The following CDH12 variants were observed in gnomAD, a reference collection of about 807,000 sequenced individuals.
CDH12 encodes the protein cadherin 12, also known as cadherin-12.
Under a neutral mutation model 74.1 loss-of-function variants are expected in CDH12, and 41 were observed. The ratio of observed to expected loss-of-function variants is 0.55; its 90% CI spans 0.43 to 0.72. CDH12 has a LOEUF of 0.72. CDH12 is among the 30% of genes least tolerant of loss of function. The pLI is 0.00. For synonymous variants in CDH12, 399 were observed against 355.0 expected (o/e 1.12, Z -1.39); for missense variants, 945 against 977.2 (o/e 0.97, Z 0.44).
At chr5:21,839,018 C>T (rs1749693936) in intron 8 of CDH12, among the ~76,000 whole-genome samples, 1 of 152,158 alleles carries the variant, frequency 6.6e-6, no homozygotes, top group Non-Finnish European at 1.5e-5. Flanking sequence ...CTAGATTGAA[C>T]ATATTTCATA....
rs79875271 is a variant in CDH12 at position 22,068,817 on chromosome 5, G to A, written c.231+9629C>T. Among the ~76,000 whole-genome samples the A allele has an allele frequency of 5.9e-3, 893 of 152,248 alleles. 7 individuals carry two copies. The highest frequency in any genetic ancestry group is 0.018 in the African/African-American group (755 of 41,542). ...GCAGCCACTCCTGTCATCATTCAAC[G>A]TGCTCATAAATAAAGGGGCCATGTT... On this transcript the variant is annotated intron_variant, in intron 5 of 14. Coordinates refer to ENST00000382254, the MANE Select transcript of CDH12 (RefSeq NM_004061.5).
intron 1 of CDH12, among the ~76,000 whole-genome samples, chr5:22,812,872 A>AG (rs200167600): frequency 0.033 from 5,030 of 152,260 alleles, 107 homozygotes; most frequent in Non-Finnish European, 0.044. Context: ...AATACAGCAT[A>AG]ATGACCACTG....
At chr5:21,993,546 A>G in intron 5 of CDH12, among the ~76,000 whole-genome samples, 1 of 152,242 alleles carries the variant, frequency 6.6e-6, no homozygotes. Context: ...GCAGAGAAGC[A>G]ACCTGCAGGA....
chr5:22,058,265 C>T (rs1740891721), intron 5 of CDH12, among the ~76,000 whole-genome samples: 1 of 152,050 alleles, frequency 6.6e-6, no homozygotes. Context: ...CCGCGTTGCC[C>T]AGGCTGGTCT....
At chr5:22,555,959 C>T (rs1738785880) in intron 1 of CDH12, among the ~76,000 whole-genome samples, 1 of 151,720 alleles carries the variant, frequency 6.6e-6, no homozygotes, top group African/African-American at 2.4e-5. Flanking sequence ...TAAACAATTG[C>T]TATAGGTCAA....
intron 3 of CDH12, among the ~76,000 whole-genome samples, chr5:22,333,234 A>G (rs1353909038): frequency 6.6e-6 from 1 of 151,976 alleles, no homozygotes; most frequent in African/African-American, 2.4e-5. Flanking sequence ...CAAAAACCGC[A>G]TGTTTTCACT....
At chr5:22,701,962 A>T (rs187968744) in intron 1 of CDH12, among the ~76,000 whole-genome samples, 1 of 152,132 alleles carries the variant, frequency 6.6e-6, no homozygotes, top group African/African-American at 2.4e-5. Flanking sequence ...CATTTAATAG[A>T]CTGACATTTG....
chr5:22,147,677 C>G (rs1196572476), intron 4 of CDH12, among the ~76,000 whole-genome samples: 1 of 151,412 alleles, frequency 6.6e-6, no homozygotes, highest in Non-Finnish European at 1.5e-5. Flanking sequence ...AAAGGCACAT[C>G]TTACATGGTG....
At chr5:22,406,896 A>G (rs1404125196) in intron 2 of CDH12, among the ~76,000 whole-genome samples, 3 of 152,148 alleles carry the variant, frequency 2.0e-5, no homozygotes, top group Non-Finnish European at 4.4e-5. Context: ...AAGCCTTGAG[A>G]AAATAAAGCA....
intron 3 of CDH12, among the ~76,000 whole-genome samples, chr5:22,371,533 C>T (rs1580576224): frequency 6.6e-6 from 1 of 152,096 alleles, no homozygotes; most frequent in Admixed American, 6.5e-5. Flanking sequence ...ATTGGATCCT[C>T]CAAGTATTCC....
At chr5:22,232,202 A>T (rs1752408417) in intron 3 of CDH12, among the ~76,000 whole-genome samples, 1 of 151,844 alleles carries the variant, frequency 6.6e-6, no homozygotes, top group South Asian at 2.1e-4. Flanking sequence ...ATCTTAATAA[A>T]TATATAAAAA....
At chr5:22,523,509 C>T (rs1014748838) in intron 1 of CDH12, among the ~76,000 whole-genome samples, 2 of 152,164 alleles carry the variant, frequency 1.3e-5, no homozygotes, top group African/African-American at 4.8e-5. Flanking sequence ...TTAATTTCCT[C>T]CTCAACTTAT....
At chr5:22,327,866 G>A (rs1245341364) in intron 3 of CDH12, among the ~76,000 whole-genome samples, 1 of 152,144 alleles carries the variant, frequency 6.6e-6, no homozygotes, top group Non-Finnish European at 1.5e-5. Flanking sequence ...TTAGTAGTAA[G>A]TTCTAATTTG....
intron 3 of CDH12, among the ~76,000 whole-genome samples, chr5:22,235,142 C>T (rs1051774115): frequency 6.6e-6 from 1 of 152,028 alleles, no homozygotes; most frequent in Non-Finnish European, 1.5e-5. Context: ...TCACTTGTCT[C>T]CTGACACTTG....
At chr5:22,156,407 T>A (rs1748025163) in intron 4 of CDH12, among the ~76,000 whole-genome samples, 1 of 152,168 alleles carries the variant, frequency 6.6e-6, no homozygotes, top group Non-Finnish European at 1.5e-5. Flanking sequence ...TTGAACAATG[T>A]TTGCCTATAA....
At chr5:22,366,010 G>C (rs1741015871) in intron 3 of CDH12, among the ~76,000 whole-genome samples, 1 of 152,130 alleles carries the variant, frequency 6.6e-6, no homozygotes, top group Non-Finnish European at 1.5e-5. Flanking sequence ...CTAGGCTGGA[G>C]TACAGTGGTG....
intron 6 of CDH12, chr5:21,883,525 A>G (rs1244869521): frequency 6.2e-7 from 1 of 1,612,596 alleles, no homozygotes; most frequent in Non-Finnish European, 8.5e-7. Context: ...AGAAAGAACC[A>G]ACTTAAAGAT....
intron 2 of CDH12, among the ~76,000 whole-genome samples, chr5:22,453,176 G>A (rs990510947): frequency 6.6e-6 from 1 of 151,996 alleles, no homozygotes; most frequent in African/African-American, 2.4e-5. Flanking sequence ...CCAGTATGGA[G>A]GTTTCTTAAA....
chr5:22,416,327 G>A (rs1157319893), intron 2 of CDH12, among the ~76,000 whole-genome samples: 1 of 151,590 alleles, frequency 6.6e-6, no homozygotes, highest in Admixed American at 6.6e-5. Context: ...CGCCCGCCTC[G>A]GCCTCCCAAA....
Sources: allele counts gnomAD v4.1 joint callset (sites outside exome capture counted in the v4.1 genomes callset), GRCh38; gene constraint gnomAD v4.1.1; transcripts MANE v1.5; gene names NCBI Gene and HGNC (gene_info 2026-07-23, HGNC 2026-07-21).